The following SHTN1 variants were observed in gnomAD, a reference collection of about 807,000 sequenced individuals.
SHTN1 encodes the protein shootin 1, also known as shootin-1.
In SHTN1, 42 loss-of-function variants were observed where a neutral mutation model predicts 83.1. The observed-to-expected ratio is 0.51, with a 90% confidence interval of 0.39 to 0.65. SHTN1 has a LOEUF of 0.65. Among genes scored for constraint, SHTN1 ranks in the 30% least tolerant of loss-of-function variants. The pLI is 0.00. For synonymous variants in SHTN1, 224 were observed against 247.7 expected (o/e 0.90, Z 0.90); for missense variants, 622 against 737.8 (o/e 0.84, Z 1.82).
chr10:117,103,449 C>T (rs928927299), intron 1 of SHTN1, among the ~76,000 whole-genome samples: 1 of 150,930 alleles, frequency 6.6e-6, no homozygotes, highest in Non-Finnish European at 1.5e-5. Flanking sequence ...ATGTTTTCTA[C>T]ATACTTTTCC....
rs140142102 is a variant in SHTN1, at chr10:116,944,753, C to T, written c.711+171G>A. Among the ~76,000 whole-genome samples the T allele has an allele frequency of 7.2e-3, 1,094 of 152,020 alleles. 19 individuals are homozygous for T. The highest frequency in any genetic ancestry group is 0.025 in the African/African-American group (1,054 of 41,450). ...TAAAAATACAAAAATTAGCTGGGCA[C>T]GGTGGCGTGTGCCTGTAATCCCAGC... On this transcript the variant is annotated intron_variant, in intron 8 of 16. Transcript: ENST00000355371.
chr10:116,889,360 C>G (rs1210643928), intron 16 of SHTN1, among the ~76,000 whole-genome samples: 1 of 152,210 alleles, frequency 6.6e-6, no homozygotes, highest in Non-Finnish European at 1.5e-5. Context: ...AGCTTCTTGA[C>G]TGCAGATTAA....
intron 1 of SHTN1, among the ~76,000 whole-genome samples, chr10:117,057,285 G>A (rs1222050394): frequency 6.6e-6 from 1 of 152,180 alleles, no homozygotes; most frequent in Non-Finnish European, 1.5e-5. Flanking sequence ...TAGCTCAGCA[G>A]CAGCTATCCA....
At chr10:117,113,774 A>T (rs562301170) in intron 1 of SHTN1, among the ~76,000 whole-genome samples, 103 of 152,282 alleles carry the variant, frequency 6.8e-4, no homozygotes, top group African/African-American at 2.5e-3. Flanking sequence ...GGATGGGCGC[A>T]GTGGATCATG....
rs1337693925 is a variant in SHTN1, at chr10:116,911,799, T to C, written c.1350A>G (p.Lys450=). The part of the protein sequence containing the change: ...KGCESAVDEL[K]GILGTLNKST... ...TGAAATCTATTCTTACCAGTATTCCTTTTAGTTCATCCACTGCACTTTCGC... is the reference window on the plus strand; with the variant it reads ...TGAAATCTATTCTTACCAGTATTCCCTTTAGTTCATCCACTGCACTTTCGC... The change falls in exon 14 of 17, where the codon AAA becomes AAG. Residue 450 remains lysine, a synonymous_variant. Transcript: ENST00000355371. 2 of 1,611,552 alleles carry C rather than the reference T, an allele frequency of 1.2e-6. No individual in the cohort carries two copies. Among genetic ancestry groups the C allele is most frequent in the East Asian group, 2.2e-5 (1 of 44,848 alleles).
chr10:116,896,567 C>T (rs1306212345), intron 16 of SHTN1, among the ~76,000 whole-genome samples: 2 of 152,000 alleles, frequency 1.3e-5, no homozygotes. Flanking sequence ...ATAGCTATGT[C>T]CAAAAATTGA....
intron 9 of SHTN1, among the ~76,000 whole-genome samples, chr10:116,931,759 A>C (rs1004753012): frequency 6.6e-6 from 1 of 152,248 alleles, no homozygotes; most frequent in Non-Finnish European, 1.5e-5. Context: ...CAATTTAAAC[A>C]AACTATATTT....
intron 2 of SHTN1, among the ~76,000 whole-genome samples, chr10:116,974,654 T>C (rs2133471181): frequency 6.6e-6 from 1 of 152,306 alleles, no homozygotes; most frequent in East Asian, 1.9e-4. Context: ...CATTTATGCA[T>C]TTCAAAACTT....
rs1010883519 is a variant in SHTN1 at position 116,884,527 on chromosome 10, A to G, written c.*1817T>C. On this transcript the variant is annotated 3_prime_UTR_variant, in exon 17 of 17. Transcript: ENST00000355371. The stretch of plus-strand genomic sequence containing the variant: ...CTCTAGAAAGGAGGGTATTTTGATA[A>G]CCATATTATTCTGTGATGGTGTGAT... 3.1e-6 allele frequency: 1 copy of G among 322,510 alleles called. No individual in the cohort carries two copies. Among genetic ancestry groups the G allele is most frequent in the African/African-American group, 2.2e-5 (1 of 46,180 alleles). The allele number at this position is 322,510 out of a possible 1,614,324, so 20.0% of individuals were successfully genotyped here.
chr10:116,974,198 A>T (rs1359148715), intron 2 of SHTN1: 1 of 944,770 alleles, frequency 1.1e-6, no homozygotes, highest in Non-Finnish European at 1.3e-6. Context: ...ATCAGAACAG[A>T]GATCCTTGCT....
intron 10 of SHTN1, among the ~76,000 whole-genome samples, chr10:116,929,584 G>A (rs893208185): frequency 1.3e-5 from 2 of 152,144 alleles, no homozygotes; most frequent in East Asian, 1.9e-4. Flanking sequence ...CTAGGCTAAC[G>A]GTATCTCTGT....
intron 1 of SHTN1, among the ~76,000 whole-genome samples, chr10:116,998,921 T>C (rs1231518592): frequency 6.6e-6 from 1 of 152,210 alleles, no homozygotes; most frequent in East Asian, 1.9e-4. Flanking sequence ...TATATATATA[T>C]GTGTAACCAT....
chr10:117,095,242 ACCTG>A (rs1405601507), intron 1 of SHTN1, among the ~76,000 whole-genome samples: 6 of 152,236 alleles, frequency 3.9e-5, no homozygotes, highest in Non-Finnish European at 5.9e-5. Context: ...TTTCCCACAC[ACCTG>A]CATTTCATAC....
At chr10:117,022,232 AT>A (rs937532894) in intron 2 of SHTN1, among the ~76,000 whole-genome samples, 2 of 152,176 alleles carry the variant, frequency 1.3e-5, no homozygotes, top group African/African-American at 4.8e-5. Context: ...TTGAATGAAT[AT>A]TTTTTGAGAC....
chr10:116,938,927 G>A (rs1000829100), intron 9 of SHTN1, among the ~76,000 whole-genome samples: 3 of 152,182 alleles, frequency 2.0e-5, no homozygotes, highest in Non-Finnish European at 4.4e-5. Flanking sequence ...CAGTGGGCTC[G>A]GCCCAGTCCG....
intron 1 of SHTN1, chr10:117,048,653 GC>G: frequency 5.6e-6 from 1 of 178,022 alleles, no homozygotes; most frequent in Non-Finnish European, 1.1e-5. Flanking sequence ...GAATTTTGCC[GC>G]CCACATTGAA....
chr10:117,077,397 T>C (rs1050175120), intron 1 of SHTN1, among the ~76,000 whole-genome samples: 4 of 152,112 alleles, frequency 2.6e-5, no homozygotes, highest in African/African-American at 9.7e-5. Context: ...TCACTGGAAG[T>C]TTGCCCACAG....
At chr10:116,901,446 G>C (rs987540242) in intron 16 of SHTN1, 1 of 985,100 alleles carries the variant, frequency 1.0e-6, no homozygotes, top group African/African-American at 1.7e-5. Flanking sequence ...GATGATCGAT[G>C]TATTTAATCT....
At chr10:117,028,334 G>C (rs1053854974) in intron 2 of SHTN1, among the ~76,000 whole-genome samples, 4 of 152,180 alleles carry the variant, frequency 2.6e-5, no homozygotes, top group Non-Finnish European at 5.9e-5. Flanking sequence ...ATAAAAGTTT[G>C]GAAAATTTGC....
Sources: gnomAD v4.1 joint callset for allele counts (sites outside exome capture counted in the v4.1 genomes callset) on GRCh38, gnomAD v4.1.1 for gene constraint, MANE v1.5 for transcripts, NCBI Gene and HGNC (gene_info 2026-07-23, HGNC 2026-07-21) for gene names.